Variants in RMP64 observed in about 807,000 individuals in gnomAD.
The protein encoded by RMP64 is nucleolus and neural progenitor protein.
At chr3:113,004,636 C>G in the RMP64 span, 2 of 152,170 alleles carry the variant, frequency 1.3e-5, no homozygotes, top group African/African-American at 4.8e-5. Context: ...CTACCTCAAA[C>G]TTCACATCAT....
chr3:113,008,368 C>G, the RMP64 span: 1 of 1,613,550 alleles, frequency 6.2e-7, no homozygotes, highest in Non-Finnish European at 8.5e-7. Flanking sequence ...CTATCACTTT[C>G]TGAGAAGAAT....
the RMP64 span, chr3:113,004,555 TAACAAA>T: frequency 2.0e-5 from 3 of 152,218 alleles, no homozygotes; most frequent in African/African-American, 7.2e-5. Context: ...AATCTCTATG[TAACAAA>T]AGTTAAGGGC....
At chr3:113,006,757 C>T in the RMP64 span, among the ~76,000 whole-genome samples, 10,144 of 152,164 alleles carry the variant, frequency 0.067, 816 homozygotes, top group East Asian at 0.19. Context: ...TTTCTTATCT[C>T]ACTATAAGCA....
chr3:113,005,267 G>A, the RMP64 span: 2 of 441,734 alleles, frequency 4.5e-6, no homozygotes, highest in South Asian at 5.6e-5. Context: ...CCTCACTCAA[G>A]GAATTACATC....
chr3:113,003,001 C>CA, the RMP64 span: 1 of 152,312 alleles, frequency 6.6e-6, no homozygotes, highest in African/African-American at 2.4e-5. Context: ...AAGTGACACA[C>CA]AGGAGGTCTC....
chr3:113,014,158 CTTATT>C, the RMP64 span: 1 of 617,822 alleles, frequency 1.6e-6, no homozygotes, highest in South Asian at 2.1e-5. Context: ...CACAGAATAC[CTTATT>C]TTTTTTCAGG....
chr3:113,011,484 A>G, the RMP64 span: 3 of 1,323,634 alleles, frequency 2.3e-6, no homozygotes, highest in African/African-American at 4.4e-5. Flanking sequence ...CAAGATTGAA[A>G]GCTGAAAATA....
chr3:113,017,567 G>C, the RMP64 span: 1 of 1,614,028 alleles, frequency 6.2e-7, no homozygotes, highest in Non-Finnish European at 8.5e-7. Context: ...AGTATGACGA[G>C]ATGGCATTCT....
chr3:113,008,099 A>G, the RMP64 span: 1 of 1,404,376 alleles, frequency 7.1e-7, no homozygotes, highest in Non-Finnish European at 9.9e-7. Context: ...TTTAAAGAAA[A>G]GTGACCTGAA....
the RMP64 span, among the ~76,000 whole-genome samples, chr3:113,018,915 C>T: frequency 2.0e-5 from 3 of 152,300 alleles, no homozygotes; most frequent in East Asian, 5.8e-4. Context: ...AACAACCTGG[C>T]TCCTGCGCCA....
chr3:113,003,871 GT>G, the RMP64 span: 1 of 152,132 alleles, frequency 6.6e-6, no homozygotes, highest in African/African-American at 2.4e-5. Flanking sequence ...TTCCCAGGGA[GT>G]TTTTTTCTGA....
At chr3:113,013,168 G>T in the RMP64 span, 5 of 1,246,682 alleles carry the variant, frequency 4.0e-6, no homozygotes, top group Non-Finnish European at 5.7e-6. Flanking sequence ...ATTCCTGTAG[G>T]TTGTAACTCC....
the RMP64 span, chr3:113,014,254 G>A: frequency 4.6e-6 from 2 of 433,844 alleles, no homozygotes; most frequent in Non-Finnish European, 8.3e-6. Flanking sequence ...TTAAAATCAG[G>A]TGACTCCTAA....
the RMP64 span, chr3:113,011,413 A>G: frequency 1.9e-6 from 3 of 1,548,950 alleles, no homozygotes; most frequent in East Asian, 6.8e-5. Flanking sequence ...AACCCTAGAG[A>G]AAGAAATAGG....
chr3:113,008,401 T>C, the RMP64 span: 2 of 1,612,462 alleles, frequency 1.2e-6, no homozygotes, highest in Non-Finnish European at 1.7e-6. Flanking sequence ...TTAGTCTGGA[T>C]TGAGAACATT....
the RMP64 span, among the ~76,000 whole-genome samples, chr3:113,016,707 A>G: frequency 1.2e-4 from 19 of 152,218 alleles, no homozygotes; most frequent in African/African-American, 4.6e-4. Flanking sequence ...ATAAGGTTAG[A>G]GACTGTGTCT....
At chr3:113,017,988 A>G in the RMP64 span, among the ~76,000 whole-genome samples, 1 of 152,230 alleles carries the variant, frequency 6.6e-6, no homozygotes, top group African/African-American at 2.4e-5. Flanking sequence ...ATAACTCTCT[A>G]ACTCCCCATG....
the RMP64 span, chr3:113,017,646 G>C: frequency 6.5e-7 from 1 of 1,540,264 alleles, no homozygotes; most frequent in South Asian, 1.1e-5. Context: ...TATTTCTACA[G>C]TAAGTATATT....
At chr3:113,006,082 A>G in the RMP64 span, 2 of 995,886 alleles carry the variant, frequency 2.0e-6, no homozygotes, top group South Asian at 1.7e-5. Flanking sequence ...TTACCAACTG[A>G]AAAGAAAAAT....
Sources: gnomAD v4.1 joint callset for allele counts (sites outside exome capture counted in the v4.1 genomes callset) on GRCh38, gnomAD v4.1.1 for gene constraint, MANE v1.5 for transcripts, NCBI Gene and HGNC (gene_info 2026-07-23, HGNC 2026-07-21) for gene names.